SAMD5: variants seen among roughly 807,000 people sequenced by gnomAD.
SAMD5 encodes the protein sterile alpha motif domain-containing protein 5.
SAMD5 carries 13 observed loss-of-function variants against 11.3 expected under a neutral mutation model. That is an observed-to-expected ratio of 1.15 (90% CI 0.75 to 1.83). SAMD5 has a LOEUF of 1.83. Among genes scored for constraint, SAMD5 ranks in the 40% most tolerant of loss-of-function variants. SAMD5 has a pLI of 0.00. For missense variants in SAMD5, 255 were observed against 239.1 expected, an observed-to-expected ratio of 1.07 and a Z score of -0.44; for synonymous variants, 129 against 111.3, an observed-to-expected ratio of 1.16 and a Z score of -1.00.
the SAMD5 span, among the ~76,000 whole-genome samples, chr6:147,888,840 G>A: frequency 1.8e-4 from 27 of 150,542 alleles, no homozygotes; most frequent in African/African-American, 5.4e-4. Flanking sequence ...AGCCAAGACC[G>A]TGCCATTGCA....
At chr6:147,547,095 G>C (rs1788699125) in intron 1 of SAMD5, among the ~76,000 whole-genome samples, 2 of 152,192 alleles carry the variant, frequency 1.3e-5, no homozygotes, top group South Asian at 4.1e-4. Flanking sequence ...TCTTTTGTGA[G>C]AATTAATGGT....
At chr6:147,629,084 A>G (rs725615) in intron 1 of SAMD5, among the ~76,000 whole-genome samples, 72,216 of 151,954 alleles carry the variant, frequency 0.48, 17,638 homozygotes, top group Middle Eastern at 0.56. Context: ...TGAGGTCAGG[A>G]GTTTGAGACT....
the SAMD5 span, among the ~76,000 whole-genome samples, chr6:147,855,917 C>T: frequency 6.6e-6 from 1 of 152,182 alleles, no homozygotes; most frequent in Non-Finnish European, 1.5e-5. Flanking sequence ...AGTCATTCCA[C>T]TACAAGATAT....
At chr6:147,635,258 G>A (rs11155514) in intron 1 of SAMD5, among the ~76,000 whole-genome samples, 73,300 of 151,966 alleles carry the variant, frequency 0.48, 19,477 homozygotes, top group South Asian at 0.66. Context: ...CATCACCATC[G>A]TGAACATTTG....
intron 1 of SAMD5, among the ~76,000 whole-genome samples, chr6:147,702,184 C>T (rs1168277761): frequency 6.6e-6 from 1 of 152,150 alleles, no homozygotes; most frequent in African/African-American, 2.4e-5. Context: ...ACCATTAGAT[C>T]TTGTGAGACT....
chr6:147,571,563 G>T (rs1197838007), downstream of SAMD5, among the ~76,000 whole-genome samples: 1 of 148,984 alleles, frequency 6.7e-6, no homozygotes, highest in Non-Finnish European at 1.5e-5. Flanking sequence ...TGACTAACTC[G>T]TCTATTTTAA....
Position 147,546,471 on chromosome 6 carries a change from G to A in SAMD5, c.460-17923G>A, listed in dbSNP as rs569363501. Among the ~76,000 whole-genome samples the A allele has an allele frequency of 2.4e-3, 362 of 151,080 alleles. 2 individuals are homozygous for A. The highest frequency in any genetic ancestry group is 8.2e-3 in the African/African-American group (335 of 40,886). ...CTTGAACCCAGGAGGTGGAGTTTGC[G>A]GTGAGCCAGGGTCGCGCCACTGCAC... On this transcript the variant is annotated intron_variant, in intron 1 of 1. Coordinates refer to ENST00000367474, the MANE Select transcript of SAMD5 (RefSeq NM_001030060.3).
chr6:147,685,100 T>C (rs560448939), intron 1 of SAMD5, among the ~76,000 whole-genome samples: 2 of 152,254 alleles, frequency 1.3e-5, no homozygotes, highest in Non-Finnish European at 2.9e-5. Context: ...CAAATTGTCA[T>C]ACTCCTTTCT....
chr6:147,915,684 T>C, the SAMD5 span, among the ~76,000 whole-genome samples: 29 of 152,340 alleles, frequency 1.9e-4, no homozygotes, highest in South Asian at 6.0e-3. Context: ...AACTGCTTTA[T>C]TGGTGAAGAT....
At chr6:147,662,965 A>G (rs1337827537) in intron 1 of SAMD5, among the ~76,000 whole-genome samples, 1 of 152,218 alleles carries the variant, frequency 6.6e-6, no homozygotes, top group Non-Finnish European at 1.5e-5. Flanking sequence ...TTAATATTTC[A>G]CAGTATACTA....
chr6:147,947,603 A>G, the SAMD5 span: 1 of 152,188 alleles, frequency 6.6e-6, no homozygotes, highest in Non-Finnish European at 1.5e-5. Flanking sequence ...GCAAACCAGA[A>G]AGCATAAGCG....
chr6:147,834,416 A>C, the SAMD5 span, among the ~76,000 whole-genome samples: 3 of 152,208 alleles, frequency 2.0e-5, no homozygotes, highest in African/African-American at 4.8e-5. Context: ...CATTATAGCG[A>C]GTGTAGCCAT....
At chr6:147,931,450 C>G in the SAMD5 span, among the ~76,000 whole-genome samples, 1 of 152,166 alleles carries the variant, frequency 6.6e-6, no homozygotes, top group Non-Finnish European at 1.5e-5. Flanking sequence ...TCTGTCTTCT[C>G]TTTTGCAGAA....
chr6:147,944,817 C>T, the SAMD5 span, among the ~76,000 whole-genome samples: 1 of 152,202 alleles, frequency 6.6e-6, no homozygotes, highest in South Asian at 2.1e-4. Flanking sequence ...TTGACTCCTT[C>T]TGAGCACTCT....
Position 147,567,769 on chromosome 6 carries a change from A to G in SAMD5, c.*3313A>G, listed in dbSNP as rs915996469. On this transcript the variant is annotated 3_prime_UTR_variant, in exon 2 of 2. Transcript: ENST00000367474. ...CTTATCATTGCCTGAAACCCACTGA[A>G]TAAGTCCCCTTTGATTTCTCTCAGG... 13 of 985,308 alleles carry G rather than the reference A, an allele frequency of 1.3e-5. No homozygotes were observed. Among genetic ancestry groups the G allele is most frequent in the Non-Finnish European group, 1.6e-5 (13 of 829,938 alleles). 61.0% of individuals were successfully genotyped at this position (985,308 alleles called of 1,614,324 possible).
chr6:147,855,236 A>C, the SAMD5 span, among the ~76,000 whole-genome samples: 2 of 152,210 alleles, frequency 1.3e-5, 1 homozygote, highest in South Asian at 4.1e-4. Context: ...TAAAGGAAAT[A>C]AATGAAGACG....
the SAMD5 span, among the ~76,000 whole-genome samples, chr6:147,904,752 A>T: frequency 6.6e-6 from 1 of 152,116 alleles, no homozygotes; most frequent in African/African-American, 2.4e-5. Context: ...TACCACAGAG[A>T]TCCCTTTTCC....
the SAMD5 span, among the ~76,000 whole-genome samples, chr6:147,801,209 A>G: frequency 3.9e-5 from 6 of 152,198 alleles, no homozygotes; most frequent in African/African-American, 1.2e-4. Flanking sequence ...CAGACATTCC[A>G]GGTCAGAGAA....
At chr6:147,843,462 AT>A in the SAMD5 span, among the ~76,000 whole-genome samples, 1 of 152,332 alleles carries the variant, frequency 6.6e-6, no homozygotes, top group South Asian at 2.1e-4. Context: ...CAAAATTCCA[AT>A]GTCATTCTTC....
Sources: gnomAD v4.1 joint callset for allele counts (sites outside exome capture counted in the v4.1 genomes callset) on GRCh38, gnomAD v4.1.1 for gene constraint, MANE v1.5 for transcripts, NCBI Gene and HGNC (gene_info 2026-07-23, HGNC 2026-07-21) for gene names.